The following SETBP1 variants were observed in gnomAD, a reference collection of about 807,000 sequenced individuals.
SETBP1 encodes the protein SET-binding protein.
SETBP1 carries 9 observed loss-of-function variants against 101.0 expected under a neutral mutation model. The ratio of observed to expected loss-of-function variants is 0.09; its 90% CI spans 0.05 to 0.16. SETBP1 has a LOEUF of 0.16. Among genes scored for constraint, SETBP1 ranks in the 10% least tolerant of loss-of-function variants. SETBP1 has a pLI of 1.00. For missense variants in SETBP1, 1,858 were observed against 2,033.8 expected (o/e 0.91, Z 1.66); for synonymous variants, 818 against 788.5 (o/e 1.04, Z -0.63).
chr18:44,885,757 T>C (rs1483536739), intron 3 of SETBP1, among the ~76,000 whole-genome samples: 2 of 150,270 alleles, frequency 1.3e-5, no homozygotes, highest in African/African-American at 4.9e-5. Context: ...GCTGAGATTT[T>C]GTGGATGCCA....
At chr18:44,914,242 A>G (rs1368472904) in intron 3 of SETBP1, among the ~76,000 whole-genome samples, 1 of 152,212 alleles carries the variant, frequency 6.6e-6, no homozygotes, top group African/African-American at 2.4e-5. Context: ...AATATGTGTC[A>G]TTGAGAATGT....
intron 4 of SETBP1, among the ~76,000 whole-genome samples, chr18:44,967,880 TTCTC>T (rs1376731017): frequency 1.3e-5 from 2 of 152,180 alleles, no homozygotes; most frequent in East Asian, 1.9e-4. Context: ...CACATGCCAT[TTCTC>T]TCTCTCAGAA....
chr18:44,906,516 T>A (rs1363176659), intron 3 of SETBP1, among the ~76,000 whole-genome samples: 4 of 152,174 alleles, frequency 2.6e-5, no homozygotes, highest in Non-Finnish European at 5.9e-5. Context: ...CAGAAAAAAA[T>A]GTCCTCCTCT....
Position 44,934,572 on chromosome 18 carries a change from T to C in SETBP1, c.541-15309T>C, listed in dbSNP as rs560463222. The stretch of plus-strand genomic sequence containing the variant: ...CCAGAGTTTCAATGCACTCCCAAGA[T>C]TTCCCACTGTGTAGGAAACTCTAGT... On this transcript the variant is annotated intron_variant, in intron 3 of 5. Transcript: ENST00000649279. 7.8e-4 allele frequency among the ~76,000 whole-genome samples: 119 copies of C among 152,296 alleles called. 1 individual carries two copies. The highest frequency in any genetic ancestry group is 2.5e-3 in the African/African-American group (104 of 41,558).
chr18:45,062,828 T>G (rs1012267344), intron 5 of SETBP1, among the ~76,000 whole-genome samples: 2 of 152,184 alleles, frequency 1.3e-5, no homozygotes, highest in Non-Finnish European at 2.9e-5. Flanking sequence ...CAACAATATT[T>G]CACATAATTG....
intron 2 of SETBP1, among the ~76,000 whole-genome samples, chr18:44,751,724 C>T (rs1030778510): frequency 3.9e-5 from 6 of 152,178 alleles, no homozygotes; most frequent in African/African-American, 7.2e-5. Context: ...AAGGTAACTT[C>T]AATACATTTG....
intron 4 of SETBP1, among the ~76,000 whole-genome samples, chr18:45,028,194 T>A (rs2145447179): frequency 8.2e-6 from 1 of 121,462 alleles, no homozygotes; most frequent in Admixed American, 1.1e-4. Context: ...CAGAGTGTGA[T>A]GTTCCCCTTC....
At chr18:44,704,451 T>G (rs2069177120) in intron 2 of SETBP1, among the ~76,000 whole-genome samples, 2 of 152,216 alleles carry the variant, frequency 1.3e-5, no homozygotes. Context: ...CCTTGAAAAC[T>G]TTTTAATTGT....
At chr18:44,753,318 G>T (rs76255192) in intron 2 of SETBP1, among the ~76,000 whole-genome samples, 16 of 152,102 alleles carry the variant, frequency 1.1e-4, no homozygotes, top group Non-Finnish European at 1.8e-4. Context: ...ATGATAATCC[G>T]GACAGATCCT....
intron 2 of SETBP1, among the ~76,000 whole-genome samples, chr18:44,752,479 A>G (rs2070405213): frequency 6.6e-6 from 1 of 152,164 alleles, no homozygotes; most frequent in African/African-American, 2.4e-5. Flanking sequence ...GGGTATTGAA[A>G]TCTTTAGTTG....
chr18:44,785,263 T>A (rs994658116), intron 2 of SETBP1, among the ~76,000 whole-genome samples: 1 of 152,170 alleles, frequency 6.6e-6, no homozygotes. Context: ...GAAAGGGTTT[T>A]ATGGGTGAAA....
chr18:45,025,331 A>G (rs140194727), intron 4 of SETBP1, among the ~76,000 whole-genome samples: 59 of 152,338 alleles, frequency 3.9e-4, no homozygotes, highest in Admixed American at 2.9e-3. Flanking sequence ...GAAATTGATC[A>G]TTCTGCCGAA....
chr18:45,033,552 G>A (rs1039730349), intron 4 of SETBP1, among the ~76,000 whole-genome samples: 3 of 152,216 alleles, frequency 2.0e-5, no homozygotes, highest in South Asian at 2.1e-4. Context: ...CCAGGAAGAT[G>A]ACTAAAGGGA....
At chr18:44,766,582 C>T (rs1045742059) in intron 2 of SETBP1, among the ~76,000 whole-genome samples, 1 of 151,996 alleles carries the variant, frequency 6.6e-6, no homozygotes, top group African/African-American at 2.4e-5. Context: ...TATAGACTTC[C>T]AGTTTTGCAC....
chr18:44,883,693 G>C (rs866300500), intron 3 of SETBP1, among the ~76,000 whole-genome samples: 6 of 152,268 alleles, frequency 3.9e-5, no homozygotes, highest in South Asian at 2.1e-4. Context: ...TCTTATACTT[G>C]GTGAGCACTA....
chr18:44,725,205 T>C (rs1488641467), intron 2 of SETBP1, among the ~76,000 whole-genome samples: 1 of 152,234 alleles, frequency 6.6e-6, no homozygotes, highest in Non-Finnish European at 1.5e-5. Flanking sequence ...ATCTTGATGC[T>C]GTTATTGTTC....
intron 4 of SETBP1, among the ~76,000 whole-genome samples, chr18:45,037,181 T>C (rs902550738): frequency 6.6e-6 from 1 of 152,128 alleles, no homozygotes; most frequent in African/African-American, 2.4e-5. Flanking sequence ...CTGTTAGTGT[T>C]ATGTAGCCTG....
intron 3 of SETBP1, among the ~76,000 whole-genome samples, chr18:44,915,225 C>T (rs2070399533): frequency 6.6e-6 from 1 of 152,086 alleles, no homozygotes; most frequent in Non-Finnish European, 1.5e-5. Flanking sequence ...TCCAGGACAC[C>T]AGCTTTCCAA....
chr18:44,839,492 A>G (rs1336832788), intron 2 of SETBP1, among the ~76,000 whole-genome samples: 1 of 152,134 alleles, frequency 6.6e-6, no homozygotes, highest in Non-Finnish European at 1.5e-5. Context: ...AGCTATTGTT[A>G]CAGATGTGAT....
Sources: allele counts gnomAD v4.1 joint callset (sites outside exome capture counted in the v4.1 genomes callset), GRCh38; gene constraint gnomAD v4.1.1; transcripts MANE v1.5; gene names NCBI Gene and HGNC (gene_info 2026-07-23, HGNC 2026-07-21).